FANCI: variants seen among roughly 807,000 people sequenced by gnomAD.
The protein encoded by FANCI is Fanconi anemia group I protein.
In FANCI, 156 loss-of-function variants were observed where a neutral mutation model predicts 176.1. The observed-to-expected ratio is 0.89, with a 90% CI of 0.78 to 1.01. FANCI has a LOEUF of 1.01. Ranked by LOEUF, FANCI falls within the 50% of genes least tolerant of loss-of-function variation. The probability of loss-of-function intolerance (pLI) is 0.00; values close to 1 mark genes in which losing one functional copy is unlikely to be tolerated. For missense variants in FANCI, 1,678 were observed against 1,534.1 expected (o/e 1.09, Z -1.57); for synonymous variants, 613 against 541.7 (o/e 1.13, Z -1.83).
chr15:89,306,241 G>A, intron 32 of FANCI, 47 bp downstream of exon 32: 1 of 1,589,800 alleles, frequency 6.3e-7, no homozygotes. Flanking sequence ...CTACCCCAGT[G>A]AGCCAGGAGA....
rs1256728882 is a variant in FANCI at position 89,278,548 on chromosome 15, T to C, written c.1294-139T>C. 8.8e-6 allele frequency: 6 copies of C among 684,676 alleles called. No individual in the cohort carries two copies. In the East Asian group the frequency reaches 1.4e-4, roughly 15 times the overall value. 42.4% of individuals were successfully genotyped at this position (684,676 alleles called of 1,614,324 possible). Reference sequence around the variant, plus strand: ...GGGGAAAGTTGAGTGATTCTGTCTTTCCAGATGATTCACATTATATTCTGA... The same window carrying C: ...GGGGAAAGTTGAGTGATTCTGTCTTCCCAGATGATTCACATTATATTCTGA... On this transcript the variant is annotated intron_variant, in intron 13 of 37. Coordinates refer to ENST00000310775, the MANE Select transcript of FANCI (RefSeq NM_001113378.2).
Position 89,246,763 on chromosome 15 carries a change from CTTTTTTT to C in FANCI, c.-19-852_-19-846del, listed in dbSNP as rs35104299. Among the ~76,000 whole-genome samples, 5 of 113,940 alleles carry C rather than the reference CTTTTTTT, an allele frequency of 4.4e-5. No individual in the cohort carries two copies. In the South Asian group the frequency reaches 1.2e-3, roughly 27 times the overall value. 74.7% of individuals were successfully genotyped at this position (113,940 alleles called of 152,430 possible). A position where few individuals can be genotyped will look rare whatever the true frequency, so the allele number is the denominator to read the frequency against. Reference sequence around the variant, plus strand: ...CTTTTCTTTCTTTCTTTCTTCCTTTCTTTTTTTTTTTTTTTTTTTTGAGACAGAGCCT... The same window carrying C: ...CTTTTCTTTCTTTCTTTCTTCCTTTCTTTTTTTTTTTTTGAGACAGAGCCT... On this transcript the variant is annotated intron_variant, in intron 1 of 37. Transcript: ENST00000310775.
chr15:89,296,495 G>C (rs536707187), intron 24 of FANCI, among the ~76,000 whole-genome samples: 22 of 152,148 alleles, frequency 1.4e-4, no homozygotes, highest in African/African-American at 5.3e-4. Context: ...ATGTTTCAGA[G>C]AGCACGGGGT....
rs1206336160 is a variant in FANCI at position 89,300,395 on chromosome 15, C to A, written c.2889+10C>A. ...GATCCGGCAATTTCAGGTGAGAAGC[C>A]TTGCAAAGCTGCTGTACTGGCCTGA... is the stretch of plus-strand genomic sequence containing the variant. On this transcript the variant is annotated intron_variant, in intron 26 of 37. Transcript: ENST00000310775. The A allele has an allele frequency of 1.2e-6, 2 of 1,611,988 alleles. No homozygotes were observed. The highest frequency in any genetic ancestry group is 1.1e-5 in the South Asian group (1 of 91,008).
chr15:89,313,910 C>G (rs2055068629), intron 35 of FANCI, among the ~76,000 whole-genome samples: 1 of 150,678 alleles, frequency 6.6e-6, no homozygotes, highest in African/African-American at 2.4e-5. Context: ...TACACACACA[C>G]ACACACACAC....
intron 2 of FANCI, among the ~76,000 whole-genome samples, chr15:89,249,416 C>T (rs978706066): frequency 1.2e-4 from 18 of 152,288 alleles, no homozygotes; most frequent in Admixed American, 8.5e-4. Context: ...GGGGCGATCT[C>T]GGCACACTGC....
chr15:89,311,289 C>T (rs2054948808), intron 34 of FANCI, among the ~76,000 whole-genome samples: 2 of 149,182 alleles, frequency 1.3e-5, no homozygotes, highest in South Asian at 2.1e-4. Context: ...CATGGTAGTG[C>T]GTGCCTGTAA....
chr15:89,289,496 G>A (rs535786547), intron 18 of FANCI, among the ~76,000 whole-genome samples: 45 of 152,080 alleles, frequency 3.0e-4, no homozygotes, highest in African/African-American at 1.1e-3. Context: ...GTAGAGATGG[G>A]GTTTCACCAT....
intron 2 of FANCI, among the ~76,000 whole-genome samples, chr15:89,250,829 AAT>A (rs1351102144): frequency 6.6e-6 from 1 of 151,694 alleles, no homozygotes; most frequent in Non-Finnish European, 1.5e-5. Flanking sequence ...AAATCCATGG[AAT>A]AATGTTAAAA....
intron 12 of FANCI, among the ~76,000 whole-genome samples, chr15:89,275,261 A>T (rs975928649): frequency 6.6e-6 from 1 of 152,034 alleles, no homozygotes; most frequent in African/African-American, 2.4e-5. Context: ...AGTAAAAAAC[A>T]TTAAGAGTTT....
At chr15:89,305,779 G>A in intron 31 of FANCI, 81 bp downstream of exon 31, 1 of 1,415,754 alleles carries the variant, frequency 7.1e-7, no homozygotes. Context: ...TAAAAATGGA[G>A]CCCCTGAGCT....
At chr15:89,298,794 T>C (rs1484355453) in intron 24 of FANCI, among the ~76,000 whole-genome samples, 2 of 152,158 alleles carry the variant, frequency 1.3e-5, no homozygotes, top group Non-Finnish European at 2.9e-5. Context: ...TGCTAAAAAA[T>C]AGATAATAGA....
At chr15:89,254,993 C>G (rs1451420739) in intron 2 of FANCI, among the ~76,000 whole-genome samples, 1 of 152,168 alleles carries the variant, frequency 6.6e-6, no homozygotes, top group Non-Finnish European at 1.5e-5. Flanking sequence ...ATTAATGAAG[C>G]TAAGAACCTT....
At chr15:89,249,574 C>G (rs2151080304) in intron 2 of FANCI, among the ~76,000 whole-genome samples, 1 of 152,274 alleles carries the variant, frequency 6.6e-6, no homozygotes, top group East Asian at 1.9e-4. Context: ...TCTTGAACTC[C>G]TGAGCTCAAG....
intron 26 of FANCI, among the ~76,000 whole-genome samples, chr15:89,300,689 T>C (rs1043871140): frequency 6.6e-6 from 1 of 152,238 alleles, no homozygotes; most frequent in Non-Finnish European, 1.5e-5. Flanking sequence ...TTTCTGAGTC[T>C]GTGGTATAAT....
chr15:89,303,937 C>A, intron 28 of FANCI, 22 bp downstream of exon 28: 1 of 1,611,520 alleles, frequency 6.2e-7, no homozygotes, highest in Non-Finnish European at 8.5e-7. Context: ...GCCATGTTTT[C>A]CTAAAGGCTT....
intron 24 of FANCI, 37 bp from the exon 25 acceptor site, chr15:89,299,763 C>T (rs765253383): frequency 4.2e-5 from 67 of 1,603,332 alleles, no homozygotes; most frequent in Non-Finnish European, 5.7e-5. Flanking sequence ...CTCGGTGAAC[C>T]TGTCTTTAAA....
At chr15:89,316,228 T>G in intron 37 of FANCI, 169 bp from the exon 38 acceptor site, 1 of 701,492 alleles carries the variant, frequency 1.4e-6, no homozygotes, top group Admixed American at 2.4e-5. Context: ...TTTGGAGGAC[T>G]CCTTCCTCTT....
chr15:89,275,638 CATT>C (rs989904139), intron 12 of FANCI, among the ~76,000 whole-genome samples: 3 of 152,204 alleles, frequency 2.0e-5, no homozygotes, highest in Admixed American at 6.5e-5. Context: ...CTTTGTATCT[CATT>C]ATTCTTTTTC....
Sources: gnomAD v4.1 joint callset for allele counts (sites outside exome capture counted in the v4.1 genomes callset) on GRCh38, gnomAD v4.1.1 for gene constraint, MANE v1.5 for transcripts, NCBI Gene and HGNC (gene_info 2026-07-23, HGNC 2026-07-21) for gene names.